The following XKR4 variants were observed in gnomAD, a reference collection of about 807,000 sequenced individuals.
XKR4 encodes the protein XK-related protein 4.
XKR4 carries 12 observed loss-of-function variants against 53.9 expected under a neutral mutation model. The observed-to-expected ratio is 0.22, with a 90% CI of 0.14 to 0.36. XKR4 has a LOEUF of 0.36. Ranked by LOEUF, XKR4 falls within the 10% of genes least tolerant of loss-of-function variation. XKR4 has a pLI of 1.00. For synonymous variants in XKR4, 354 were observed against 362.4 expected (o/e 0.98, Z 0.26); for missense variants, 799 against 859.5 (o/e 0.93, Z 0.88).
chr8:55,217,199 G>C (rs200344649), intron 1 of XKR4, among the ~76,000 whole-genome samples: 1 of 130,916 alleles, frequency 7.6e-6, no homozygotes, highest in Admixed American at 9.1e-5. Context: ...CCAAGATCGC[G>C]CCACTGCACT....
chr8:55,350,508 C>A (rs1055321030), intron 1 of XKR4, among the ~76,000 whole-genome samples: 16 of 152,088 alleles, frequency 1.1e-4, no homozygotes, highest in South Asian at 2.1e-4. Context: ...CACAGATGAA[C>A]CTTGAGGACA....
intron 2 of XKR4, among the ~76,000 whole-genome samples, chr8:55,487,592 G>A (rs994245187): frequency 3.3e-5 from 5 of 151,628 alleles, no homozygotes; most frequent in South Asian, 2.1e-4. Flanking sequence ...TCAGCTTCCC[G>A]AGTAAGTGGG....
chr8:55,453,897 C>G (rs1169779803), intron 2 of XKR4: 5 of 594,428 alleles, frequency 8.4e-6, no homozygotes, highest in South Asian at 6.0e-5. Flanking sequence ...CACTCCAACA[C>G]AAAGAGAGCA....
chr8:55,103,388 G>T, intron 1 of XKR4, 94 bp downstream of exon 1: 1 of 1,503,764 alleles, frequency 6.6e-7, no homozygotes, highest in East Asian at 2.3e-5. Context: ...GGTTGCTTTG[G>T]TAGTAACCCT....
intron 2 of XKR4, among the ~76,000 whole-genome samples, chr8:55,402,239 A>G (rs1162530517): frequency 1.3e-5 from 2 of 152,214 alleles, no homozygotes; most frequent in Non-Finnish European, 2.9e-5. Flanking sequence ...CTACTGCACT[A>G]GGGTACCTGC....
intron 2 of XKR4, chr8:55,449,956 G>T (rs942260319): frequency 1.0e-5 from 9 of 858,802 alleles, no homozygotes; most frequent in African/African-American, 3.3e-5. Context: ...GAGGCTCAAG[G>T]TGGAGCCCAC....
chr8:55,177,014 G>A (rs1027997436), intron 1 of XKR4, among the ~76,000 whole-genome samples: 2 of 151,630 alleles, frequency 1.3e-5, no homozygotes, highest in African/African-American at 4.8e-5. Context: ...ATCCATAAAT[G>A]TGAGTGGTCT....
chr8:55,373,590 A>G (rs1233298269), intron 2 of XKR4, among the ~76,000 whole-genome samples: 1 of 152,214 alleles, frequency 6.6e-6, no homozygotes, highest in Non-Finnish European at 1.5e-5. Context: ...AGAGCCTTCA[A>G]TGAAGGGGCA....
intron 1 of XKR4, among the ~76,000 whole-genome samples, chr8:55,182,334 A>G (rs781103809): frequency 5.3e-5 from 8 of 151,942 alleles, no homozygotes; most frequent in Non-Finnish European, 1.2e-4. Flanking sequence ...TATGGATTAC[A>G]CTTTGGTGCA....
chr8:55,378,415 A>G (rs1482431486), intron 2 of XKR4, among the ~76,000 whole-genome samples: 1 of 152,212 alleles, frequency 6.6e-6, no homozygotes, highest in East Asian at 1.9e-4. Context: ...AGAGCTATAA[A>G]ATATCCATTG....
intron 2 of XKR4, among the ~76,000 whole-genome samples, chr8:55,516,539 A>G (rs1226599475): frequency 1.3e-5 from 2 of 152,220 alleles, no homozygotes; most frequent in East Asian, 1.9e-4. Context: ...GATGTTTGCA[A>G]TGATGTTGGG....
At chr8:55,185,931 GTGT>G (rs1817371596) in intron 1 of XKR4, among the ~76,000 whole-genome samples, 1 of 152,260 alleles carries the variant, frequency 6.6e-6, no homozygotes, top group African/African-American at 2.4e-5. Context: ...AAGGCCAGTG[GTGT>G]TGTTGATATA....
Position 55,491,806 on chromosome 8 carries a change from G to C in XKR4, c.1007-31475G>C, listed in dbSNP as rs114839473. Among the ~76,000 whole-genome samples, 818 of 152,114 alleles carry C rather than the reference G, an allele frequency of 5.4e-3. 6 individuals are homozygous for C. Among genetic ancestry groups the C allele is most frequent in the African/African-American group, 0.019 (782 of 41,508 alleles). On this transcript the variant is annotated intron_variant, in intron 2 of 2. Coordinates refer to ENST00000327381, the MANE Select transcript of XKR4 (RefSeq NM_052898.2). ...CCACAGCCCTGGCTTCTTTTATTTT[G>C]GATGGTCAAAACGTACAGTATCACA...
rs867767654 is a variant in XKR4 at position 55,523,355 on chromosome 8, C to T, written c.1081C>T (p.Arg361Ter). ...CTACCAGAAGGCCCTCCGGGACTCT[C>T]GAGATGACAAGAAGCCCATCAGCTA... ...ASYQKALRDS[R>*]DDKKPISYMA... The change falls in exon 3 of 3, where the codon CGA becomes TGA. Residue 361 changes from arginine (R) to a stop codon, truncating the protein, a stop_gained. Transcript: ENST00000327381. LOFTEE classifies it high-confidence loss of function. 6.2e-7 allele frequency: 1 copy of T among 1,614,170 alleles called. No homozygotes were observed. The highest frequency in any genetic ancestry group is 8.5e-7 in the Non-Finnish European group (1 of 1,180,018).
At chr8:55,325,250 G>A (rs1803275301) in intron 1 of XKR4, among the ~76,000 whole-genome samples, 1 of 152,114 alleles carries the variant, frequency 6.6e-6, no homozygotes, top group Admixed American at 6.5e-5. Context: ...AAACAAAAAT[G>A]GAGAAGAAAC....
At chr8:55,439,891 T>A (rs1220061151) in intron 2 of XKR4, among the ~76,000 whole-genome samples, 1 of 152,176 alleles carries the variant, frequency 6.6e-6, no homozygotes, top group African/African-American at 2.4e-5. Flanking sequence ...CAAGAATAAA[T>A]CAAGTTAATC....
At chr8:55,172,950 C>T (rs1366455669) in intron 1 of XKR4, among the ~76,000 whole-genome samples, 3 of 152,206 alleles carry the variant, frequency 2.0e-5, no homozygotes, top group Non-Finnish European at 4.4e-5. Context: ...TTCTTTTCCT[C>T]TGACTGTAGA....
At chr8:55,329,853 G>A (rs1397024191) in intron 1 of XKR4, among the ~76,000 whole-genome samples, 1 of 152,110 alleles carries the variant, frequency 6.6e-6, no homozygotes, top group African/African-American at 2.4e-5. Flanking sequence ...CAGTACATGA[G>A]GCAGCATGAT....
chr8:55,156,079 C>T lies in XKR4; in HGVS notation c.806+52785C>T, dbSNP rs1316864780. 4.5e-4 allele frequency among the ~76,000 whole-genome samples: 69 copies of T among 152,006 alleles called. 2 individuals are homozygous for T. Among genetic ancestry groups the T allele is most frequent in the Non-Finnish European group, 1.5e-5 (1 of 67,988 alleles). On this transcript the variant is annotated intron_variant, in intron 1 of 2. Coordinates refer to ENST00000327381, the MANE Select transcript of XKR4 (RefSeq NM_052898.2). ...GTAAGACATATGAGATACAAGAAAC[C>T]GCTTCAAACCCAGGAAGGTGGCCTT... is the stretch of plus-strand genomic sequence containing the variant.
Sources: gnomAD v4.1 joint callset for allele counts (sites outside exome capture counted in the v4.1 genomes callset) on GRCh38, gnomAD v4.1.1 for gene constraint, MANE v1.5 for transcripts, NCBI Gene and HGNC (gene_info 2026-07-23, HGNC 2026-07-21) for gene names.